The following SLC1A2 variants were observed in gnomAD, a reference collection of about 807,000 sequenced individuals.
The protein encoded by SLC1A2 is excitatory amino acid transporter 2.
SLC1A2 carries 15 observed loss-of-function variants against 48.8 expected under a neutral mutation model. The observed-to-expected ratio is 0.31, with a 90% CI of 0.21 to 0.47. The LOEUF (loss-of-function observed/expected upper bound fraction) is 0.47, where lower values mean the gene tolerates loss of function less well. Ranked by LOEUF, SLC1A2 falls within the 20% of genes least tolerant of loss-of-function variation. The pLI, the probability that SLC1A2 is intolerant of heterozygous loss-of-function variation, is 0.99. For missense variants in SLC1A2, 502 were observed against 730.5 expected, an observed-to-expected ratio of 0.69 and a Z score of 3.61; for synonymous variants, 279 against 272.6, an observed-to-expected ratio of 1.02 and a Z score of -0.23.
intron 1 of SLC1A2, among the ~76,000 whole-genome samples, chr11:35,357,960 C>T (rs1483014676): frequency 6.6e-6 from 1 of 152,068 alleles, no homozygotes. Context: ...TCCTGGCCAA[C>T]GTGGTAAAAC....
chr11:35,317,863 G>C (rs1234863126), intron 1 of SLC1A2, among the ~76,000 whole-genome samples: 2 of 152,156 alleles, frequency 1.3e-5, no homozygotes, highest in Non-Finnish European at 2.9e-5. Flanking sequence ...AATCCAGATA[G>C]GTCTGGCTCC....
chr11:35,333,781 C>T (rs1186956689), intron 1 of SLC1A2, among the ~76,000 whole-genome samples: 1 of 151,744 alleles, frequency 6.6e-6, no homozygotes, highest in Non-Finnish European at 1.5e-5. Flanking sequence ...CATGCCTCAG[C>T]CTCCCGAGTA....
chr11:35,301,289 G>A (rs1591445784), intron 6 of SLC1A2, among the ~76,000 whole-genome samples: 2 of 152,252 alleles, frequency 1.3e-5, no homozygotes, highest in East Asian at 1.9e-4. Context: ...CAACTCGCTG[G>A]CCATATAAAA....
chr11:35,282,571 T>C (rs185335925), intron 8 of SLC1A2, among the ~76,000 whole-genome samples: 313 of 151,836 alleles, frequency 2.1e-3, no homozygotes, highest in Non-Finnish European at 3.9e-3. Flanking sequence ...AGGACCAGGC[T>C]GCTTTGCAAT....
rs748421243 is a variant in SLC1A2 at position 35,292,406 on chromosome 11, G to A, written c.972C>T (p.Leu324=). 3 of 1,613,668 alleles carry A rather than the reference G, an allele frequency of 1.9e-6. No individual in the cohort carries two copies. The highest frequency in any genetic ancestry group is 1.1e-5 in the South Asian group (1 of 91,082). The change falls in exon 7 of 11, where the codon CTC becomes CTT. Residue 324 remains leucine, a synonymous_variant. Transcript: ENST00000278379. The stretch of plus-strand genomic sequence containing the variant: ...GGAGAAAGATGCCCCCGTGGATGAT[G>A]AGGCCTATGATCACTGTTACCATGT... ...GMYMVTVIIG[L]IIHGGIFLPL...
rs751975009 is a variant in SLC1A2 at position 35,306,258 on chromosome 11, A to G, written c.562-16T>C. 1.0e-5 allele frequency: 16 copies of G among 1,595,286 alleles called. No individual in the cohort carries two copies. The highest frequency in any genetic ancestry group is 1.3e-5 in the Non-Finnish European group (15 of 1,167,078). Reference sequence around the variant, plus strand: ...CTGTTTGAATCTAACAGAGTGAGGGAAAAAAGGCATAGAGCTGAGATTTGG... The same window carrying G: ...CTGTTTGAATCTAACAGAGTGAGGGGAAAAAGGCATAGAGCTGAGATTTGG... On this transcript the variant is annotated splice_polypyrimidine_tract_variant and intron_variant, in intron 4 of 10. Coordinates refer to ENST00000278379, the MANE Select transcript of SLC1A2 (RefSeq NM_004171.4).
intron 1 of SLC1A2, among the ~76,000 whole-genome samples, chr11:35,396,067 A>T (rs1854948113): frequency 1.4e-5 from 2 of 142,432 alleles, no homozygotes; most frequent in Admixed American, 1.4e-4. Context: ...TTCTTAATCC[A>T]GTCTATCATT....
At chr11:35,261,005 G>A (rs370396192) in intron 10 of SLC1A2, 40 bp from the exon 11 acceptor site, 101 of 1,517,912 alleles carry the variant, frequency 6.7e-5, no homozygotes, top group Middle Eastern at 1.7e-4. Flanking sequence ...TACAGACCAC[G>A]AACCAGAAAA....
chr11:35,355,535 G>A (rs1240288884), intron 1 of SLC1A2, among the ~76,000 whole-genome samples: 4 of 152,206 alleles, frequency 2.6e-5, no homozygotes. Context: ...AAAACAGCAG[G>A]AAGTGGTCAA....
At chr11:35,289,606 T>G (rs7940391) in intron 7 of SLC1A2, among the ~76,000 whole-genome samples, 39,267 of 152,066 alleles carry the variant, frequency 0.26, 5,228 homozygotes, top group Admixed American at 0.3. Context: ...TGAAATAATG[T>G]TCTAGTCATT....
chr11:35,419,185 G>A lies in SLC1A2; in HGVS notation c.-219C>T, dbSNP rs1855705572. The A allele has an allele frequency of 2.2e-6, 1 of 457,464 alleles. No homozygotes were observed. The highest frequency in any genetic ancestry group is 3.6e-5 in the East Asian group (1 of 27,692). 28.3% of individuals were successfully genotyped at this position (457,464 alleles called of 1,614,324 possible). A position where few individuals can be genotyped will look rare whatever the true frequency, so the allele number is the denominator to read the frequency against. ...CGCGTCCCGGCTCTCCACGGCGCGC[G>A]ACCCGCGCTCCCCTCCGCCCGCGGG... On this transcript the variant is annotated 5_prime_UTR_variant, in exon 1 of 11. Transcript: ENST00000278379. The surrounding 1 kb of genome is among the most constrained non-coding windows in gnomAD (Gnocchi z 5.4).
At chr11:35,403,210 TA>T (rs1214045751) in intron 1 of SLC1A2, among the ~76,000 whole-genome samples, 1 of 152,214 alleles carries the variant, frequency 6.6e-6, no homozygotes, top group African/African-American at 2.4e-5. Context: ...TGTCCTTATT[TA>T]AAAGATAAAG....
chr11:35,315,457 T>C (rs1851844263), intron 2 of SLC1A2: 2 of 288,306 alleles, frequency 6.9e-6, no homozygotes, highest in Non-Finnish European at 1.4e-5. Context: ...CCAACTTATT[T>C]GAGGCTATTT....
chr11:35,293,333 G>A (rs1591437514), intron 6 of SLC1A2, among the ~76,000 whole-genome samples: 1 of 152,218 alleles, frequency 6.6e-6, no homozygotes, highest in African/African-American at 2.4e-5. Context: ...TCCCAACCAA[G>A]ACAAGCCACT....
intron 1 of SLC1A2, among the ~76,000 whole-genome samples, chr11:35,334,054 A>G (rs1274709351): frequency 6.6e-6 from 1 of 152,128 alleles, no homozygotes; most frequent in East Asian, 1.9e-4. Flanking sequence ...TTGTCCACTT[A>G]TAATTATGAA....
chr11:35,407,788 T>TGCACCCC (rs1855344373), intron 1 of SLC1A2, among the ~76,000 whole-genome samples: 1 of 152,164 alleles, frequency 6.6e-6, no homozygotes, highest in African/African-American at 2.4e-5. Context: ...CTCAGCACCC[T>TGCACCCC]GCACCCCGCA....
At chr11:35,279,802 A>G (rs981396003) in intron 9 of SLC1A2, among the ~76,000 whole-genome samples, 2 of 152,244 alleles carry the variant, frequency 1.3e-5, no homozygotes, top group Admixed American at 1.3e-4. Context: ...GTTAAAGAGG[A>G]AGATGTAAAG....
chr11:35,348,276 G>A (rs1853113719), intron 1 of SLC1A2, among the ~76,000 whole-genome samples: 1 of 152,096 alleles, frequency 6.6e-6, no homozygotes, highest in African/African-American at 2.4e-5. Flanking sequence ...GGCATGCTTG[G>A]CTTGGCCTCC....
At chr11:35,375,455 G>C (rs905419260) in intron 1 of SLC1A2, among the ~76,000 whole-genome samples, 1 of 152,212 alleles carries the variant, frequency 6.6e-6, no homozygotes, top group Non-Finnish European at 1.5e-5. Flanking sequence ...TAGAAGAAGC[G>C]GGCCTGGGGC....
Sources: allele counts gnomAD v4.1 joint callset (sites outside exome capture counted in the v4.1 genomes callset), GRCh38; gene constraint gnomAD v4.1.1; non-coding constraint Gnocchi (gnomAD v3.1); transcripts MANE v1.5; gene names NCBI Gene and HGNC (gene_info 2026-07-23, HGNC 2026-07-21).